The following ASIC2 variants were observed in gnomAD, a reference collection of about 807,000 sequenced individuals.
ASIC2 encodes the protein acid-sensing ion channel 2.
In ASIC2, 25 loss-of-function variants were observed where a neutral mutation model predicts 57.3. The ratio of observed to expected loss-of-function variants is 0.44; its 90% CI spans 0.32 to 0.61. The LOEUF (loss-of-function observed/expected upper bound fraction) is 0.61, where lower values mean the gene tolerates loss of function less well. Ranked by LOEUF, ASIC2 falls within the 20% of genes least tolerant of loss-of-function variation. The probability of loss-of-function intolerance (pLI) is 0.06; values close to 1 mark genes in which losing one functional copy is unlikely to be tolerated. For synonymous variants in ASIC2, 319 were observed against 307.5 expected (o/e 1.04, Z -0.39); for missense variants, 641 against 738.1 (o/e 0.87, Z 1.52).
At chr17:33,517,316 A>G (rs1165462950) in intron 1 of ASIC2, among the ~76,000 whole-genome samples, 2 of 152,122 alleles carry the variant, frequency 1.3e-5, no homozygotes, top group Non-Finnish European at 2.9e-5. Flanking sequence ...GAGTTTCACC[A>G]TGTTGGCCAG....
intron 1 of ASIC2, among the ~76,000 whole-genome samples, chr17:33,438,530 T>TCC (rs1362905127): frequency 6.6e-6 from 1 of 152,084 alleles, no homozygotes; most frequent in Non-Finnish European, 1.5e-5. Flanking sequence ...AGTTCAGAAT[T>TCC]TCTGAATCAT....
chr17:33,208,411 G>A (rs997819110), intron 1 of ASIC2, among the ~76,000 whole-genome samples: 5 of 152,034 alleles, frequency 3.3e-5, no homozygotes, highest in African/African-American at 1.2e-4. Flanking sequence ...ACTCGGTGCC[G>A]CAGTCCTACA....
At chr17:33,476,550 TGTGTG>T (rs1913234837) in intron 1 of ASIC2, among the ~76,000 whole-genome samples, 1 of 39,154 alleles carries the variant, frequency 2.6e-5, no homozygotes, top group African/African-American at 1.7e-4. Context: ...CAGGGGTGTG[TGTGTG>T]TGTGTGTGTG....
At chr17:33,461,794 C>T (rs995984323) in intron 1 of ASIC2, among the ~76,000 whole-genome samples, 2 of 152,132 alleles carry the variant, frequency 1.3e-5, no homozygotes, top group African/African-American at 4.8e-5. Flanking sequence ...TTTGAATAAG[C>T]ACACACACAT....
Position 33,973,156 on chromosome 17 carries a change from G to A in ASIC2, c.555+182822C>T, listed in dbSNP as rs534568028. 1.2e-4 allele frequency among the ~76,000 whole-genome samples: 18 copies of A among 152,348 alleles called. 1 individual carries two copies. The highest frequency in any genetic ancestry group is 1.1e-3 in the Admixed American group (17 of 15,304). ...CAGGAGCAGAAACCTTCTCCACAGAGACTGAGGTGGAACACACAGAGCTCA... is the reference window on the plus strand; with the variant it reads ...CAGGAGCAGAAACCTTCTCCACAGAAACTGAGGTGGAACACACAGAGCTCA... On this transcript the variant is annotated intron_variant, in intron 1 of 9. Transcript: ENST00000359872.
chr17:33,971,122 G>A (rs531397086), intron 1 of ASIC2, among the ~76,000 whole-genome samples: 278 of 152,302 alleles, frequency 1.8e-3, no homozygotes, highest in Non-Finnish European at 3.2e-3. Context: ...ACAGTGGCAC[G>A]CAGTCCTCCA....
chr17:33,392,548 A>G (rs1909939382), intron 1 of ASIC2, among the ~76,000 whole-genome samples: 2 of 152,046 alleles, frequency 1.3e-5, no homozygotes, highest in Admixed American at 1.3e-4. Flanking sequence ...TAGGGGTGTG[A>G]GCCACTGCAC....
At chr17:33,279,379 T>C (rs995139263) in intron 1 of ASIC2, among the ~76,000 whole-genome samples, 1 of 152,154 alleles carries the variant, frequency 6.6e-6, no homozygotes, top group Non-Finnish European at 1.5e-5. Context: ...AGTAAGGACA[T>C]GGAAGCTGGA....
intron 1 of ASIC2, among the ~76,000 whole-genome samples, chr17:33,974,236 T>C (rs1440811029): frequency 6.6e-6 from 1 of 152,174 alleles, no homozygotes; most frequent in Non-Finnish European, 1.5e-5. Flanking sequence ...CTTTCCTGAA[T>C]AGGTGACCAT....
intron 1 of ASIC2, among the ~76,000 whole-genome samples, chr17:33,699,720 T>G (rs1384559556): frequency 6.6e-6 from 1 of 152,188 alleles, no homozygotes; most frequent in Non-Finnish European, 1.5e-5. Context: ...AGAAGGGGGT[T>G]GTTGGTTAAG....
chr17:33,231,330 G>T (rs1310836526), intron 1 of ASIC2, among the ~76,000 whole-genome samples: 5 of 152,190 alleles, frequency 3.3e-5, no homozygotes, highest in Non-Finnish European at 5.9e-5. Context: ...CTTGGAGAGG[G>T]AATTCCAGAT....
At chr17:33,750,210 C>T (rs1359841057) in intron 1 of ASIC2, among the ~76,000 whole-genome samples, 1 of 152,130 alleles carries the variant, frequency 6.6e-6, no homozygotes, top group African/African-American at 2.4e-5. Context: ...GTGGTGGAGT[C>T]AGAAGACCCA....
At chr17:34,059,135 G>C (rs1908875546) in intron 1 of ASIC2, among the ~76,000 whole-genome samples, 1 of 152,184 alleles carries the variant, frequency 6.6e-6, no homozygotes, top group South Asian at 2.1e-4. Context: ...TGAAGGAAGT[G>C]GACTGCTCCT....
At chr17:33,555,657 A>G (rs145392692) in intron 1 of ASIC2, among the ~76,000 whole-genome samples, 3 of 152,280 alleles carry the variant, frequency 2.0e-5, no homozygotes, top group Non-Finnish European at 2.9e-5. Flanking sequence ...CTATGAAAGG[A>G]TGGAGCTTAT....
chr17:33,882,750 C>T (rs963831482), intron 1 of ASIC2, among the ~76,000 whole-genome samples: 6 of 152,154 alleles, frequency 3.9e-5, no homozygotes, highest in Non-Finnish European at 8.8e-5. Flanking sequence ...CCAGCCATCC[C>T]GTTACTGGGT....
intron 1 of ASIC2, among the ~76,000 whole-genome samples, chr17:33,531,642 G>A (rs1004688586): frequency 6.6e-6 from 1 of 152,168 alleles, no homozygotes; most frequent in Admixed American, 6.6e-5. Context: ...ACTTGTGGTT[G>A]CATACATCCA....
chr17:33,881,018 T>G (rs920763018), intron 1 of ASIC2, among the ~76,000 whole-genome samples: 3 of 152,206 alleles, frequency 2.0e-5, no homozygotes, highest in African/African-American at 7.2e-5. Flanking sequence ...ACCACATGAT[T>G]ATCTCAATAG....
At chr17:33,150,362 C>T (rs947346546) in intron 1 of ASIC2, among the ~76,000 whole-genome samples, 2 of 152,154 alleles carry the variant, frequency 1.3e-5, no homozygotes, top group Admixed American at 6.5e-5. Flanking sequence ...TTCAGGGAAT[C>T]ACAGAACATT....
chr17:33,825,009 C>T (rs7218089), intron 1 of ASIC2, among the ~76,000 whole-genome samples: 123,491 of 152,176 alleles, frequency 0.81, 50,467 homozygotes, highest in African/African-American at 0.85. Context: ...TACATGTGCA[C>T]GTCTCTCTCC....
Sources: allele counts gnomAD v4.1 joint callset (sites outside exome capture counted in the v4.1 genomes callset), GRCh38; gene constraint gnomAD v4.1.1; transcripts MANE v1.5; gene names NCBI Gene and HGNC (gene_info 2026-07-23, HGNC 2026-07-21).